The following LDB2 variants were observed in gnomAD, a reference collection of about 807,000 sequenced individuals.
LDB2 encodes LIM domain-binding protein 2.
In LDB2, 12 loss-of-function variants were observed where a neutral mutation model predicts 44.3. The observed-to-expected ratio is 0.27, with a 90% CI of 0.17 to 0.44. The LOEUF is 0.44. Ranked by LOEUF, LDB2 falls within the 20% of genes least tolerant of loss-of-function variation. LDB2 has a pLI of 1.00. For missense variants in LDB2, 344 were observed against 473.5 expected, an observed-to-expected ratio of 0.73 and a Z score of 2.54; for synonymous variants, 164 against 174.8, an observed-to-expected ratio of 0.94 and a Z score of 0.49.
At chr4:16,518,475 G>T (rs954105425) in intron 5 of LDB2, among the ~76,000 whole-genome samples, 11 of 145,056 alleles carry the variant, frequency 7.6e-5, no homozygotes, top group African/African-American at 2.5e-4. Context: ...TCAGACCTTT[G>T]CTTGTGTTGT....
intron 5 of LDB2, among the ~76,000 whole-genome samples, chr4:16,562,960 G>A (rs368662172): frequency 0.04 from 6,042 of 151,108 alleles, 230 homozygotes; most frequent in African/African-American, 0.1. Context: ...GTAAACTATC[G>A]CAAGGACAAA....
intron 2 of LDB2, among the ~76,000 whole-genome samples, chr4:16,690,483 G>GGA (rs1560892252): frequency 0.035 from 350 of 10,110 alleles, 3 homozygotes; most frequent in African/African-American, 0.083. Flanking sequence ...GGAAGGAAGG[G>GGA]AGGGAGGGAG....
At chr4:16,682,786 G>A (rs1277372478) in intron 2 of LDB2, among the ~76,000 whole-genome samples, 4 of 152,160 alleles carry the variant, frequency 2.6e-5, no homozygotes, top group Admixed American at 6.5e-5. Flanking sequence ...TCCAACCAAA[G>A]GTAACATTTC....
At chr4:16,539,524 T>C (rs1733030949) in intron 5 of LDB2, among the ~76,000 whole-genome samples, 1 of 152,096 alleles carries the variant, frequency 6.6e-6, no homozygotes, top group African/African-American at 2.4e-5. Context: ...CTAGAATAGA[T>C]TTTCACCACA....
chr4:16,894,242 T>C (rs2049658498), intron 1 of LDB2, among the ~76,000 whole-genome samples: 1 of 152,136 alleles, frequency 6.6e-6, no homozygotes, highest in Non-Finnish European at 1.5e-5. Flanking sequence ...TTCAAATACA[T>C]GAATTTTGGA....
chr4:16,814,618 C>T (rs1414328471), intron 1 of LDB2, among the ~76,000 whole-genome samples: 3 of 152,144 alleles, frequency 2.0e-5, no homozygotes, highest in Admixed American at 6.5e-5. Flanking sequence ...AGAGCCCTAG[C>T]TGATGCAACA....
In LDB2 at chr4:16,614,898, G is replaced by A. The variant is rs1458146476; in HGVS notation, c.236-19023C>T. ...ATCCCGGCTAAAACGGTGAAACCCC[G>A]TCTCTACTAAAAATACAAAAAATTA... On this transcript the variant is annotated intron_variant, in intron 2 of 7. Coordinates refer to ENST00000304523, the MANE Select transcript of LDB2 (RefSeq NM_001290.5). Among the ~76,000 whole-genome samples, 3 of 150,184 alleles carry A rather than the reference G, an allele frequency of 2.0e-5. No individual in the cohort carries two copies. In the South Asian group the frequency reaches 6.4e-4, roughly 32 times the overall value.
rs545805716 is a variant in LDB2, at chr4:16,665,422, C to T, written c.236-69547G>A. ...TTGGGACTACAGGTGTGTCCCACCA[C>T]ACCCGACTAAGTTTTTGTATTTTTA... On this transcript the variant is annotated intron_variant, in intron 2 of 7. Coordinates refer to ENST00000304523, the MANE Select transcript of LDB2 (RefSeq NM_001290.5). Among the ~76,000 whole-genome samples the T allele has an allele frequency of 9.2e-5, 14 of 152,058 alleles. No individual in the cohort carries two copies. The South Asian group carries it at 1.5e-3, about 16-fold the overall frequency.
At chr4:16,823,981 T>C (rs11726069) in intron 1 of LDB2, among the ~76,000 whole-genome samples, 1 of 152,214 alleles carries the variant, frequency 6.6e-6, no homozygotes, top group Non-Finnish European at 1.5e-5. Context: ...TTTACATCTA[T>C]TTATAAACAC....
chr4:16,541,216 G>T (rs1035436566), intron 5 of LDB2, among the ~76,000 whole-genome samples: 3 of 152,074 alleles, frequency 2.0e-5, no homozygotes, highest in African/African-American at 4.8e-5. Context: ...AATCATGGGG[G>T]TGGGTTTCTT....
chr4:16,616,123 T>C (rs77639161), intron 2 of LDB2, among the ~76,000 whole-genome samples: 3,955 of 152,276 alleles, frequency 0.026, 62 homozygotes, highest in East Asian at 0.06. Flanking sequence ...CTAGTTACTG[T>C]ATCAACCATT....
At chr4:16,834,542 G>A (rs1784579264) in intron 1 of LDB2, among the ~76,000 whole-genome samples, 1 of 152,080 alleles carries the variant, frequency 6.6e-6, no homozygotes, top group Admixed American at 6.6e-5. Flanking sequence ...GAAGGTAGGA[G>A]TCAAGGCCAG....
At chr4:16,607,887 A>G (rs565626165) in intron 2 of LDB2, among the ~76,000 whole-genome samples, 69 of 152,300 alleles carry the variant, frequency 4.5e-4, no homozygotes, top group African/African-American at 1.6e-3. Context: ...CCTGTTATGC[A>G]TACGCACGGG....
chr4:16,517,258 A>G (rs561803546), intron 5 of LDB2, among the ~76,000 whole-genome samples: 2 of 152,270 alleles, frequency 1.3e-5, no homozygotes, highest in East Asian at 3.9e-4. Flanking sequence ...AGCCCCATCC[A>G]TCGACTCTAG....
Position 16,508,612 on chromosome 4 carries a change from C to T in LDB2, c.814G>A (p.Ala272Thr), listed in dbSNP as rs143514792. The T allele has an allele frequency of 3.3e-4, 530 of 1,613,700 alleles. No homozygotes were observed. The highest frequency in any genetic ancestry group is 4.1e-4 in the Non-Finnish European group (485 of 1,179,810). The change falls in exon 7 of 8, where the codon GCT becomes ACT. Residue 272 changes from alanine to threonine, a missense_variant. Physicochemically the swap from Ala to Thr is moderately conservative, Grantham distance 58. Transcript: ENST00000304523. ...NSTSSTSNSS[A>T]GNNANSTGSK... ...CCAGTGCTGTTTGCATTGTTCCCAG[C>T]GCTGCTGTTGGAAGTGCTGCTGGTG...
chr4:16,698,101 A>T (rs1752616761), intron 2 of LDB2, among the ~76,000 whole-genome samples: 1 of 152,208 alleles, frequency 6.6e-6, no homozygotes, highest in South Asian at 2.1e-4. Flanking sequence ...ACACATAAGC[A>T]TTTGCAGAAC....
intron 2 of LDB2, among the ~76,000 whole-genome samples, chr4:16,706,577 C>A (rs1754663227): frequency 6.6e-6 from 1 of 152,152 alleles, no homozygotes; most frequent in Admixed American, 6.6e-5. Context: ...GATCATGATT[C>A]TGGGTGTTAA....
At position 16,737,284 on chromosome 4, in the gene LDB2, C is replaced by G. The variant is rs186226136; in HGVS notation, c.235+21874G>C. ...GGCTCTATCGCCCGGGCTGAAGTGC[C>G]GTGGTGTGATCATAGCTCACTGCAG... On this transcript the variant is annotated intron_variant, in intron 2 of 7. Transcript: ENST00000304523. Among the ~76,000 whole-genome samples, 46 of 152,010 alleles carry G rather than the reference C, an allele frequency of 3.0e-4. 2 individuals carry two copies. In the South Asian group the frequency reaches 9.1e-3, roughly 30 times the overall value.
At chr4:16,675,648 T>G (rs1444349124) in intron 2 of LDB2, among the ~76,000 whole-genome samples, 1 of 152,152 alleles carries the variant, frequency 6.6e-6, no homozygotes, top group Non-Finnish European at 1.5e-5. Flanking sequence ...TTTTGGTGCT[T>G]ATTATGTTGG....
Sources: allele counts gnomAD v4.1 joint callset (sites outside exome capture counted in the v4.1 genomes callset), GRCh38; gene constraint gnomAD v4.1.1; transcripts MANE v1.5; gene names NCBI Gene and HGNC (gene_info 2026-07-23, HGNC 2026-07-21).